TENM3: variants seen among roughly 807,000 people sequenced by gnomAD.
The protein encoded by TENM3 is teneurin transmembrane protein 3, also known as teneurin-3.
Under a neutral mutation model 255.1 loss-of-function variants are expected in TENM3, and 63 were observed. The ratio of observed to expected loss-of-function variants is 0.25; its 90% confidence interval spans 0.20 to 0.30. TENM3 has a LOEUF of 0.30. TENM3 is among the 10% of genes least tolerant of loss of function. The probability of loss-of-function intolerance (pLI) is 1.00; values close to 1 mark genes in which losing one functional copy is unlikely to be tolerated. For missense variants in TENM3, 2,929 were observed against 3,461.1 expected (o/e 0.85, Z 3.86); for synonymous variants, 1,306 against 1,322.3 (o/e 0.99, Z 0.27).
the TENM3 span, among the ~76,000 whole-genome samples, chr4:181,977,213 A>T: frequency 2.6e-5 from 4 of 151,878 alleles, no homozygotes; most frequent in African/African-American, 4.8e-5. Context: ...CCCCCATAGG[A>T]TCGTTAAAAG....
the TENM3 span, among the ~76,000 whole-genome samples, chr4:181,532,190 G>A: frequency 6.6e-6 from 1 of 152,140 alleles, no homozygotes; most frequent in Admixed American, 6.5e-5. Context: ...GAAATGGAAA[G>A]CCACGTGTAT....
the TENM3 span, among the ~76,000 whole-genome samples, chr4:181,660,710 A>C: frequency 6.6e-6 from 1 of 152,160 alleles, no homozygotes; most frequent in Admixed American, 6.5e-5. Context: ...GAAATATGAA[A>C]TCATTTGGTA....
Position 182,624,046 on chromosome 4 carries a change from C to T in TENM3, c.750-4605C>T, listed in dbSNP as rs370113502. ...GTCTGAGATGTAAGGCACAGGTTTC[C>T]TCTGCTCTCAGGCCCCTTGGATATA... On this transcript the variant is annotated intron_variant, in intron 4 of 27. Coordinates refer to ENST00000511685, the MANE Select transcript of TENM3 (RefSeq NM_001080477.4). 6.7e-5 allele frequency among the ~76,000 whole-genome samples: 10 copies of T among 150,106 alleles called. No individual in the cohort carries two copies. In the East Asian group the frequency reaches 9.7e-4, roughly 15 times the overall value.
At chr4:182,358,786 T>C (rs1580280475) in intron 3 of TENM3, among the ~76,000 whole-genome samples, 1 of 147,380 alleles carries the variant, frequency 6.8e-6, no homozygotes, top group Non-Finnish European at 1.5e-5. Flanking sequence ...AGGGCATCCC[T>C]GTCTTGTGCC....
intron 26 of TENM3, among the ~76,000 whole-genome samples, chr4:182,794,958 T>TG (rs985525775): frequency 2.0e-5 from 3 of 151,660 alleles, no homozygotes; most frequent in African/African-American, 4.9e-5. Flanking sequence ...CTTTTTTTTT[T>TG]GGGCTTGATT....
intron 2 of TENM3, among the ~76,000 whole-genome samples, chr4:182,329,971 C>CT (rs992886872): frequency 2.6e-5 from 4 of 151,656 alleles, no homozygotes; most frequent in African/African-American, 7.3e-5. Context: ...AGGCAGGTTA[C>CT]TTTTTTTTAC....
At chr4:182,472,737 AAG>A (rs1232765484) in intron 3 of TENM3, among the ~76,000 whole-genome samples, 2 of 147,356 alleles carry the variant, frequency 1.4e-5, no homozygotes, top group South Asian at 2.1e-4. Flanking sequence ...ATTTTTTTTT[AAG>A]AGAGTCTCGT....
intron 16 of TENM3, among the ~76,000 whole-genome samples, chr4:182,733,117 A>C (rs1272779361): frequency 6.6e-6 from 1 of 152,196 alleles, no homozygotes; most frequent in Non-Finnish European, 1.5e-5. Context: ...GGGACAGTGG[A>C]TAGAGGTATG....
At chr4:182,250,210 G>T (rs139942083) in intron 1 of TENM3, among the ~76,000 whole-genome samples, 1 of 151,432 alleles carries the variant, frequency 6.6e-6, no homozygotes, top group African/African-American at 2.4e-5. Flanking sequence ...CCGCCACCAC[G>T]CCCGGCTACT....
the TENM3 span, among the ~76,000 whole-genome samples, chr4:181,679,108 C>T: frequency 6.6e-6 from 1 of 152,042 alleles, no homozygotes; most frequent in African/African-American, 2.4e-5. Context: ...GTAACAAAAG[C>T]TGAGTCTTGG....
chr4:182,502,851 G>C lies in TENM3; in HGVS notation c.512-98073G>C, dbSNP rs1319961681. On this transcript the variant is annotated intron_variant, in intron 3 of 27. Transcript: ENST00000511685. ...TAAGGGTTAATTTGTAGCTCTGTGG[G>C]CATGGGTTGGAGCTTTTAATTGGTG... 2.7e-5 allele frequency among the ~76,000 whole-genome samples: 4 copies of C among 150,244 alleles called. No individual in the cohort carries two copies. The East Asian group carries it at 7.8e-4, about 29-fold the overall frequency.
chr4:182,480,559 C>CAT (rs1167789687), intron 3 of TENM3, among the ~76,000 whole-genome samples: 1 of 151,802 alleles, frequency 6.6e-6, no homozygotes, highest in African/African-American at 2.4e-5. Flanking sequence ...GCTTTAAATT[C>CAT]ATATATATGC....
At chr4:182,224,171 G>C (rs1756007486) in intron 1 of TENM3, among the ~76,000 whole-genome samples, 1 of 152,132 alleles carries the variant, frequency 6.6e-6, no homozygotes, top group African/African-American at 2.4e-5. Context: ...CATTTCTCAA[G>C]ATTTTTATTT....
At chr4:181,791,151 C>A in the TENM3 span, among the ~76,000 whole-genome samples, 6 of 152,132 alleles carry the variant, frequency 3.9e-5, no homozygotes, top group Non-Finnish European at 7.4e-5. Context: ...GCTTGGTGGG[C>A]AAATTGCCCC....
At chr4:181,476,883 C>T in the TENM3 span, among the ~76,000 whole-genome samples, 1 of 152,194 alleles carries the variant, frequency 6.6e-6, no homozygotes, top group African/African-American at 2.4e-5. Flanking sequence ...TGGCACTCAT[C>T]TCTCCAAATG....
At chr4:182,502,107 G>A (rs1477544235) in intron 3 of TENM3, among the ~76,000 whole-genome samples, 2 of 152,180 alleles carry the variant, frequency 1.3e-5, no homozygotes, top group South Asian at 2.1e-4. Flanking sequence ...GAATTGTGAA[G>A]GCACTGCTCC....
chr4:182,261,242 G>A (rs569570777), intron 1 of TENM3, among the ~76,000 whole-genome samples: 70 of 152,254 alleles, frequency 4.6e-4, no homozygotes, highest in African/African-American at 1.7e-3. Context: ...ACTGAAGTTC[G>A]AGACACTGAT....
At chr4:181,928,202 C>G in the TENM3 span, among the ~76,000 whole-genome samples, 1 of 151,978 alleles carries the variant, frequency 6.6e-6, no homozygotes, top group Non-Finnish European at 1.5e-5. Flanking sequence ...CAGAAGTAGG[C>G]TTCAGAAGGT....
the TENM3 span, among the ~76,000 whole-genome samples, chr4:181,789,258 T>TTTTATTTTA: frequency 9.0e-5 from 10 of 111,526 alleles, no homozygotes; most frequent in Non-Finnish European, 1.8e-4. Flanking sequence ...TTTTATTTTA[T>TTTTATTTTA]TTATTTTATT....
Sources: allele counts gnomAD v4.1 joint callset (sites outside exome capture counted in the v4.1 genomes callset), GRCh38; gene constraint gnomAD v4.1.1; transcripts MANE v1.5; gene names NCBI Gene and HGNC (gene_info 2026-07-23, HGNC 2026-07-21).